CMYA5: variants seen among roughly 807,000 people sequenced by gnomAD.
The protein encoded by CMYA5 is cardiomyopathy-associated protein 5.
CMYA5 carries 246 observed loss-of-function variants against 318.9 expected under a neutral mutation model. The observed-to-expected ratio is 0.77, with a 90% CI of 0.70 to 0.86. CMYA5 has a LOEUF of 0.86. Ranked by LOEUF, CMYA5 falls within the 40% of genes least tolerant of loss-of-function variation. The pLI, the probability that CMYA5 is intolerant of heterozygous loss-of-function variation, is 0.00. For missense variants in CMYA5, 4,589 were observed against 4,678.2 expected, an observed-to-expected ratio of 0.98 and a Z score of 0.56; for synonymous variants, 1,641 against 1,729.5, an observed-to-expected ratio of 0.95 and a Z score of 1.27.
chr5:79,698,332 C>G (rs1827111227), intron 1 of CMYA5, among the ~76,000 whole-genome samples: 1 of 151,756 alleles, frequency 6.6e-6, no homozygotes, highest in Non-Finnish European at 1.5e-5. Context: ...AAAAAAACAC[C>G]TGATAGAACT....
At chr5:79,725,116 G>A (rs1235894622) in intron 1 of CMYA5, among the ~76,000 whole-genome samples, 1 of 151,994 alleles carries the variant, frequency 6.6e-6, no homozygotes, top group East Asian at 1.9e-4. Flanking sequence ...TCCATTGCTG[G>A]GTATAGACCC....
Position 79,799,743 on chromosome 5 carries a change from A to G in CMYA5, c.*127A>G, listed in dbSNP as rs558069930. On this transcript the variant is annotated 3_prime_UTR_variant, in exon 13 of 13. Coordinates refer to ENST00000446378, the MANE Select transcript of CMYA5 (RefSeq NM_153610.5). ...ATTTGCACTAATGATGGCTGCATGC[A>G]TAGCAATCAGCATGTGAGCAAAATC... The G allele has an allele frequency of 2.4e-6, 3 of 1,266,992 alleles. No homozygotes were observed. The highest frequency in any genetic ancestry group is 1.6e-5 in the South Asian group (1 of 62,188). The allele number at this position is 1,266,992 out of a possible 1,614,324, so 78.5% of individuals were successfully genotyped here. A position where few individuals can be genotyped will look rare whatever the true frequency, so the allele number is the denominator to read the frequency against.
At chr5:79,760,701 C>T (rs1828634475) in intron 7 of CMYA5, among the ~76,000 whole-genome samples, 1 of 152,176 alleles carries the variant, frequency 6.6e-6, no homozygotes, top group Non-Finnish European at 1.5e-5. Context: ...GGCTCTTCCT[C>T]CAACACTGGG....
intron 2 of CMYA5, among the ~76,000 whole-genome samples, chr5:79,739,881 G>A (rs1828176227): frequency 6.6e-6 from 1 of 151,950 alleles, no homozygotes. Flanking sequence ...TACTTGGGGG[G>A]CTGAGGTGGG....
At position 79,697,847 on chromosome 5, in the gene CMYA5, C is replaced by T. The variant is rs141382382; in HGVS notation, c.149+7791C>T. Reference sequence around the variant, plus strand: ...CTTCAAACTTTTTTAAAGGCAGAAGCATCAAAGACCCAAAAAATCTACATA... The same window carrying T: ...CTTCAAACTTTTTTAAAGGCAGAAGTATCAAAGACCCAAAAAATCTACATA... On this transcript the variant is annotated intron_variant, in intron 1 of 12. Transcript: ENST00000446378. Among the ~76,000 whole-genome samples, 969 of 152,254 alleles carry T rather than the reference C, an allele frequency of 6.4e-3. 7 individuals are homozygous for T. Among genetic ancestry groups the T allele is most frequent in the Non-Finnish European group, 9.1e-3 (620 of 68,008 alleles).
rs544061175 is a variant in CMYA5, at chr5:79,737,955, T to C, written c.9190T>C (p.Ser3064Pro). The change falls in exon 2 of 13, where the codon TCC becomes CCC. Residue 3064 changes from serine (S) to proline (P), a missense_variant. Ser to Pro is a moderately conservative substitution (Grantham distance 74). Coordinates refer to ENST00000446378, the MANE Select transcript of CMYA5 (RefSeq NM_153610.5). Reference protein sequence around the residue: ...EKYTLIDYNISPDPEKQKAPQ... With the variant: ...EKYTLIDYNIPPDPEKQKAPQ... ...ATATACTTTGATTGATTATAACATC[T>C]CCCCAGACCCAGAAAAACAGAAAGC... 6.2e-7 allele frequency: 1 copy of C among 1,611,496 alleles called. No individual in the cohort carries two copies. The highest frequency in any genetic ancestry group is 1.3e-5 in the African/African-American group (1 of 74,790).
Position 79,745,305 on chromosome 5 carries a change from A to C in CMYA5, c.10818A>C (p.Lys3606Asn). ...AGGTTTTAGCACAGTATGATGAGAAAGCCCAGAGCTTTGAGGAAGTGAAGA... is the reference window on the plus strand; with the variant it reads ...AGGTTTTAGCACAGTATGATGAGAACGCCCAGAGCTTTGAGGAAGTGAAGA... Reference protein sequence around the residue: ...MKKVLAQYDEKAQSFEEVKKK... With the variant: ...MKKVLAQYDENAQSFEEVKKK... Residue 3606 changes from lysine to asparagine, a missense_variant, in exon 4 of 13, where the codon AAA becomes AAC. Physicochemically the swap from Lys to Asn is moderately conservative, Grantham distance 94. Coordinates refer to ENST00000446378, the MANE Select transcript of CMYA5 (RefSeq NM_153610.5). 6.2e-7 allele frequency: 1 copy of C among 1,613,842 alleles called. No individual in the cohort carries two copies. The highest frequency in any genetic ancestry group is 1.1e-5 in the South Asian group (1 of 91,066).
Position 79,741,875 on chromosome 5 carries a change from T to C in CMYA5, c.10639-1952T>C, listed in dbSNP as rs114478583. ...CATTTTTAAAGTTTTTTTTAATTCT[T>C]GATCTTCTCTAAACAGTATGAGAAG... is the stretch of plus-strand genomic sequence containing the variant. On this transcript the variant is annotated intron_variant, in intron 2 of 12. Transcript: ENST00000446378. Among the ~76,000 whole-genome samples the C allele has an allele frequency of 7.8e-3, 1,192 of 152,232 alleles. 16 individuals carry two copies. Among genetic ancestry groups the C allele is most frequent in the African/African-American group, 0.027 (1,138 of 41,538 alleles).
chr5:79,738,618 AAGTTTGGAACT>A lies in CMYA5; in HGVS notation c.9855_9865del (p.Lys3285AsnfsTer28). 3 of 1,613,898 alleles carry A rather than the reference AAGTTTGGAACT, an allele frequency of 1.9e-6. No homozygotes were observed. Among genetic ancestry groups the A allele is most frequent in the Non-Finnish European group, 2.5e-6 (3 of 1,179,860 alleles). The stretch of plus-strand genomic sequence containing the variant: ...AGCTGCAGAAGGGGAAATTTGGGGA[AAGTTTGGAACT>A]ATTTGCAGGGAGAAGAGTCTGGAAG... On this transcript the variant is annotated frameshift_variant, in exon 2 of 13. Transcript: ENST00000446378. LOFTEE classifies it high-confidence loss of function.
chr5:79,786,461 A>G (rs575104024), intron 9 of CMYA5, among the ~76,000 whole-genome samples: 1 of 152,316 alleles, frequency 6.6e-6, no homozygotes, highest in East Asian at 1.9e-4. Context: ...TAAAATCCCT[A>G]AGCACCAACT....
Position 79,736,244 on chromosome 5 carries a change from G to T in CMYA5, c.7479G>T (p.Lys2493Asn), listed in dbSNP as rs192180434. ...TTAGAGATAGTAATGAAATAGGGAA[G>T]ACACAAATTACACTTGGATCTAGAT... The part of the protein sequence containing the change: ...LELRDSNEIG[K>N]TQITLGSRST... The change falls in exon 2 of 13, where the codon AAG (lysine) becomes AAT (asparagine). Residue 2493 changes from lysine to asparagine, a missense_variant. This residue lies in a region of CMYA5 where 2,431 missense variants were observed against 2,495.1 expected (regional missense o/e 0.97). Coordinates refer to ENST00000446378, the MANE Select transcript of CMYA5 (RefSeq NM_153610.5). The T allele has an allele frequency of 1.2e-3, 1,918 of 1,613,360 alleles. 18 individuals are homozygous for T. In the African/African-American group the frequency reaches 0.02, roughly 17 times the overall value.
At chr5:79,747,035 T>A in intron 4 of CMYA5, 56 bp from the exon 5 acceptor site, 1 of 1,060,794 alleles carries the variant, frequency 9.4e-7, no homozygotes, top group Non-Finnish European at 1.4e-6. Flanking sequence ...TCTCTCTCTC[T>A]TTCTCTCTCT....
chr5:79,700,030 T>A (rs951364188), intron 1 of CMYA5, among the ~76,000 whole-genome samples: 1 of 152,192 alleles, frequency 6.6e-6, no homozygotes, highest in Admixed American at 6.5e-5. Context: ...CAGGCCTTAT[T>A]TATCTGAATA....
Position 79,793,598 on chromosome 5 carries a change from C to G in CMYA5, c.11951C>G (p.Ser3984Cys), listed in dbSNP as rs371863606. The G allele has an allele frequency of 2.9e-4, 471 of 1,602,468 alleles. No individual in the cohort carries two copies. The highest frequency in any genetic ancestry group is 3.8e-4 in the Non-Finnish European group (440 of 1,170,718). The part of the protein sequence containing the change: ...QGETSWYMHC[S>C]EPQRYTFFYS... ...GAGACCTCATGGTACATGCACTGCTCTGAGCCACAGAGGTAAGCGAGCCCT... is the reference window on the plus strand; with the variant it reads ...GAGACCTCATGGTACATGCACTGCTGTGAGCCACAGAGGTAAGCGAGCCCT... The change falls in exon 12 of 13, where the codon TCT becomes TGT. Residue 3984 changes from serine to cysteine, a missense_variant. Coordinates refer to ENST00000446378, the MANE Select transcript of CMYA5 (RefSeq NM_153610.5).
At position 79,745,376 on chromosome 5, in the gene CMYA5, A is replaced by G. The variant is rs1277836995; in HGVS notation, c.10889A>G (p.Gln3630Arg). The change falls in exon 4 of 13, where the codon CAG becomes CGG. Residue 3630 changes from glutamine (Q) to arginine (R), a missense_variant. By Grantham distance (43) the Gln-to-Arg change is conservative. Coordinates refer to ENST00000446378, the MANE Select transcript of CMYA5 (RefSeq NM_153610.5). ...FLHEQMVHFL[Q>R]SMDTAKDTLE... is the part of the protein sequence containing the mutation. Reference sequence around the variant, plus strand: ...CATGAGCAGATGGTCCACTTTCTGCAGAGCATGGACACTGCCAAAGACACC... The same window carrying G: ...CATGAGCAGATGGTCCACTTTCTGCGGAGCATGGACACTGCCAAAGACACC... 6.2e-7 allele frequency: 1 copy of G among 1,614,002 alleles called. No individual in the cohort carries two copies.
intron 11 of CMYA5, among the ~76,000 whole-genome samples, chr5:79,792,883 T>G (rs1580810321): frequency 6.6e-6 from 1 of 152,250 alleles, no homozygotes; most frequent in African/African-American, 2.4e-5. Flanking sequence ...TGCAGACTGT[T>G]GACCGCTAAT....
chr5:79,714,435 T>TTC lies in CMYA5; in HGVS notation c.150-14479_150-14478insCT, dbSNP rs1198502450. Among the ~76,000 whole-genome samples the TTC allele has an allele frequency of 5.1e-5, 7 of 138,178 alleles. No homozygotes were observed. The South Asian group carries it at 1.7e-3, about 34-fold the overall frequency. 90.7% of individuals were successfully genotyped at this position (138,178 alleles called of 152,430 possible). The stretch of plus-strand genomic sequence containing the variant: ...TCTGATATCTTTTTTCTTTTTCTTT[T>TTC]TTTTTTTTTTTTTTTTGAGATGGGG... On this transcript the variant is annotated intron_variant, in intron 1 of 12. Coordinates refer to ENST00000446378, the MANE Select transcript of CMYA5 (RefSeq NM_153610.5).
chr5:79,767,013 T>G (rs1325471633), intron 9 of CMYA5, among the ~76,000 whole-genome samples: 3 of 152,228 alleles, frequency 2.0e-5, no homozygotes, highest in Non-Finnish European at 4.4e-5. Flanking sequence ...GGGATTCGAC[T>G]TCTTCCTGGT....
At chr5:79,700,502 A>T (rs112263320) in intron 1 of CMYA5, among the ~76,000 whole-genome samples, 1,947 of 152,312 alleles carry the variant, frequency 0.013, 40 homozygotes, top group African/African-American at 0.044. Context: ...AATTATTTCA[A>T]CTCAATTTTA....
Sources: allele counts gnomAD v4.1 joint callset (sites outside exome capture counted in the v4.1 genomes callset), GRCh38; gene constraint gnomAD v4.1.1; regional missense constraint gnomAD v4.1.1; transcripts MANE v1.5; gene names NCBI Gene and HGNC (gene_info 2026-07-23, HGNC 2026-07-21).